The following ZCWPW2 variants were observed in gnomAD, a reference collection of about 807,000 sequenced individuals.
The protein encoded by ZCWPW2 is zinc finger CW-type and PWWP domain containing 2, also known as zinc finger CW-type PWWP domain protein 2.
ZCWPW2 carries 45 observed loss-of-function variants against 46.6 expected under a neutral mutation model. That is an observed-to-expected ratio of 0.96 (90% CI 0.76 to 1.24). ZCWPW2 has a LOEUF of 1.24. Among genes scored for constraint, ZCWPW2 ranks in the 50% most tolerant of loss-of-function variants. The probability of loss-of-function intolerance (pLI) is 0.00; values close to 1 mark genes in which losing one functional copy is unlikely to be tolerated. For synonymous variants in ZCWPW2, 152 were observed against 137.1 expected (o/e 1.11, Z -0.76); for missense variants, 429 against 403.9 (o/e 1.06, Z -0.53).
At chr3:28,412,928 T>A in intron 2 of ZCWPW2, 128 bp from the exon 3 acceptor site, 1 of 667,090 alleles carries the variant, frequency 1.5e-6, no homozygotes, top group Non-Finnish European at 2.5e-6. Context: ...ATATGTAGTC[T>A]TTGTAGGATA....
chr3:28,406,816 T>G (rs556811455), intron 2 of ZCWPW2, among the ~76,000 whole-genome samples: 8 of 135,876 alleles, frequency 5.9e-5, no homozygotes, highest in African/African-American at 1.7e-4. Flanking sequence ...AATTTCCTTT[T>G]CTTTTTTTTC....
chr3:28,379,645 A>C (rs996930554), intron 1 of ZCWPW2, among the ~76,000 whole-genome samples: 2 of 152,202 alleles, frequency 1.3e-5, no homozygotes, highest in African/African-American at 4.8e-5. Context: ...TATTAACACC[A>C]GTCATTATTT....
chr3:28,368,047 A>T (rs534510869), intron 1 of ZCWPW2, among the ~76,000 whole-genome samples: 1 of 152,030 alleles, frequency 6.6e-6, no homozygotes, highest in Non-Finnish European at 1.5e-5. Context: ...ATCTCTGCAC[A>T]TGAGATGGGT....
chr3:28,521,077 AG>A lies in ZCWPW2; in HGVS notation c.871del (p.Glu291LysfsTer8), dbSNP rs1164853046. ...LQPTATPDES[E>X]EGHGEEINMG... The stretch of plus-strand genomic sequence containing the variant: ...AACCCACAGCCACACCTGATGAATC[AG>A]AAGAAGGACATGGAGAGGAAATAAA... On this transcript the variant is annotated frameshift_variant, in exon 9 of 10. Coordinates refer to ENST00000383768, the MANE Select transcript of ZCWPW2 (RefSeq NM_001040432.4). LOFTEE classifies it high-confidence loss of function. The A allele has an allele frequency of 2.5e-6, 4 of 1,609,878 alleles. No individual in the cohort carries two copies. Among genetic ancestry groups the A allele is most frequent in the Non-Finnish European group, 3.4e-6 (4 of 1,178,974 alleles).
intron 4 of ZCWPW2, among the ~76,000 whole-genome samples, chr3:28,437,603 CTCAG>C (rs1394721772): frequency 2.0e-5 from 3 of 152,118 alleles, no homozygotes; most frequent in South Asian, 2.1e-4. Flanking sequence ...CACAACAGTA[CTCAG>C]TCATTCTCTA....
chr3:28,479,120 C>A (rs1463973080), intron 5 of ZCWPW2, among the ~76,000 whole-genome samples, 189 bp downstream of exon 5: 1 of 152,098 alleles, frequency 6.6e-6, no homozygotes, highest in Non-Finnish European at 1.5e-5. Context: ...AAACAATTTT[C>A]AATGACTAAA....
At chr3:28,524,043 T>A (rs1700791561) in intron 9 of ZCWPW2, among the ~76,000 whole-genome samples, 2 of 152,074 alleles carry the variant, frequency 1.3e-5, no homozygotes, top group South Asian at 4.1e-4. Flanking sequence ...CTATCTTTAA[T>A]AAACTCTGAA....
chr3:28,372,944 C>A (rs1705381091), intron 1 of ZCWPW2, among the ~76,000 whole-genome samples: 1 of 152,164 alleles, frequency 6.6e-6, no homozygotes, highest in African/African-American at 2.4e-5. Flanking sequence ...TTGCAAAAAA[C>A]ATGATTGCAT....
intron 4 of ZCWPW2, among the ~76,000 whole-genome samples, chr3:28,469,436 T>C (rs1448508811): frequency 6.6e-6 from 1 of 151,988 alleles, no homozygotes; most frequent in Non-Finnish European, 1.5e-5. Flanking sequence ...GCTGAATGGA[T>C]ATAAAAATAA....
chr3:28,468,307 C>T (rs762483015), intron 4 of ZCWPW2, among the ~76,000 whole-genome samples: 3 of 151,612 alleles, frequency 2.0e-5, no homozygotes, highest in Non-Finnish European at 4.4e-5. Flanking sequence ...AGCACACCTA[C>T]GATATCTAGA....
At chr3:28,516,627 AT>A (rs924862851) in intron 8 of ZCWPW2, among the ~76,000 whole-genome samples, 4 of 152,196 alleles carry the variant, frequency 2.6e-5, no homozygotes, top group African/African-American at 9.7e-5. Context: ...TCAGTGATAT[AT>A]TCCCTTTTCC....
chr3:28,447,815 G>C (rs1698056360), intron 4 of ZCWPW2: 2 of 981,878 alleles, frequency 2.0e-6, no homozygotes, highest in African/African-American at 3.2e-5. Context: ...CAATAGAATT[G>C]TTTACCTTTA....
At chr3:28,456,359 A>G (rs571798756) in intron 4 of ZCWPW2, among the ~76,000 whole-genome samples, 1 of 152,328 alleles carries the variant, frequency 6.6e-6, no homozygotes, top group East Asian at 1.9e-4. Flanking sequence ...GTTGCTTATC[A>G]GCTTAAGAAG....
At chr3:28,357,676 T>TA (rs1370176986) in intron 1 of ZCWPW2, among the ~76,000 whole-genome samples, 1 of 151,824 alleles carries the variant, frequency 6.6e-6, no homozygotes, top group Non-Finnish European at 1.5e-5. Context: ...CCTTTGGACT[T>TA]ATACTGAATT....
rs756749566 is a variant in ZCWPW2 at position 28,525,644 on chromosome 3, A to T, written c.*956A>T. 3.3e-5 allele frequency among the ~76,000 whole-genome samples: 5 copies of T among 152,164 alleles called. No homozygotes were observed. The highest frequency in any genetic ancestry group is 7.4e-5 in the Non-Finnish European group (5 of 68,024). ...GTTGCCTCATATTGCTTTAACAAGG[A>T]GGCAGCACATGTCTAGATATTAAAA... On this transcript the variant is annotated 3_prime_UTR_variant, in exon 10 of 10. Coordinates refer to ENST00000383768, the MANE Select transcript of ZCWPW2 (RefSeq NM_001040432.4).
intron 8 of ZCWPW2, 145 bp downstream of exon 8, chr3:28,515,766 C>G: frequency 1.7e-6 from 1 of 571,834 alleles, no homozygotes; most frequent in South Asian, 3.1e-5. Context: ...TATACATGTG[C>G]GTACATATGT....
At chr3:28,440,971 C>T (rs1697730761) in intron 4 of ZCWPW2, among the ~76,000 whole-genome samples, 1 of 152,178 alleles carries the variant, frequency 6.6e-6, no homozygotes, top group Admixed American at 6.5e-5. Context: ...GTCTCTGCTG[C>T]TGGCAAATTG....
intron 1 of ZCWPW2, among the ~76,000 whole-genome samples, chr3:28,379,543 C>CCT (rs1175900153): frequency 6.6e-6 from 1 of 152,058 alleles, no homozygotes; most frequent in Non-Finnish European, 1.5e-5. Flanking sequence ...AAATAAATAT[C>CCT]TTCTGCATTA....
intron 5 of ZCWPW2, 124 bp downstream of exon 5, chr3:28,479,055 T>C (rs908700444): frequency 3.4e-6 from 2 of 592,248 alleles, no homozygotes; most frequent in Non-Finnish European, 5.7e-6. Context: ...TAGTATATCA[T>C]TGTTTATTTG....
Sources: allele counts gnomAD v4.1 joint callset (sites outside exome capture counted in the v4.1 genomes callset), GRCh38; gene constraint gnomAD v4.1.1; transcripts MANE v1.5; gene names NCBI Gene and HGNC (gene_info 2026-07-23, HGNC 2026-07-21).